The following PADI4 variants were observed in gnomAD, a reference collection of about 807,000 sequenced individuals.
The protein encoded by PADI4 is protein-arginine deiminase type-4.
In PADI4, 62 loss-of-function variants were observed where a neutral mutation model predicts 75.0. The ratio of observed to expected loss-of-function variants is 0.83; its 90% CI spans 0.67 to 1.02. The LOEUF (loss-of-function observed/expected upper bound fraction) is 1.02, where lower values mean the gene tolerates loss of function less well. Among genes scored for constraint, PADI4 ranks in the 50% least tolerant of loss-of-function variants. The pLI is 0.00. For synonymous variants in PADI4, 361 were observed against 348.1 expected (o/e 1.04, Z -0.41); for missense variants, 845 against 850.5 (o/e 0.99, Z 0.08).
intron 8 of PADI4, among the ~76,000 whole-genome samples, chr1:17,344,495 A>G (rs1216687733): frequency 6.6e-6 from 1 of 152,242 alleles, no homozygotes; most frequent in Non-Finnish European, 1.5e-5. Context: ...GGCATGTCAG[A>G]GGTCTTCATG....
chr1:17,326,904 CTTT>C (rs140721491), intron 1 of PADI4, among the ~76,000 whole-genome samples: 3 of 132,142 alleles, frequency 2.3e-5, no homozygotes, highest in East Asian at 2.2e-4. Context: ...GCCTTATATG[CTTT>C]TTTTTTTTTT....
At chr1:17,325,258 T>C (rs2074099307) in intron 1 of PADI4, among the ~76,000 whole-genome samples, 1 of 152,228 alleles carries the variant, frequency 6.6e-6, no homozygotes, top group Non-Finnish European at 1.5e-5. Flanking sequence ...TCTTCTCTAA[T>C]GGCTTTCAAT....
chr1:17,316,711 T>A (rs12405467), intron 1 of PADI4, among the ~76,000 whole-genome samples: 8,837 of 137,554 alleles, frequency 0.064, 383 homozygotes, highest in African/African-American at 0.11. Flanking sequence ...ATAAATAAAT[T>A]AATTAATTAA....
intron 1 of PADI4, among the ~76,000 whole-genome samples, chr1:17,320,128 C>G (rs1557542845): frequency 6.6e-6 from 1 of 152,226 alleles, no homozygotes; most frequent in Non-Finnish European, 1.5e-5. Context: ...TCTGGAAGCT[C>G]CAGGGGCAAA....
At chr1:17,350,594 G>T (rs1370645408) in intron 10 of PADI4, among the ~76,000 whole-genome samples, 1 of 130,852 alleles carries the variant, frequency 7.6e-6, no homozygotes, top group African/African-American at 2.5e-5. Context: ...CTCTTGGGGG[G>T]CCACTTCTGC....
intron 1 of PADI4, 56 bp downstream of exon 1, chr1:17,308,370 C>T (rs2073710367): frequency 2.2e-6 from 3 of 1,339,276 alleles, no homozygotes; most frequent in Admixed American, 1.7e-5. Flanking sequence ...CTGGATGACC[C>T]AGTTCTACTG....
At chr1:17,317,411 G>A (rs1379672668) in intron 1 of PADI4, among the ~76,000 whole-genome samples, 1 of 151,978 alleles carries the variant, frequency 6.6e-6, no homozygotes, top group Non-Finnish European at 1.5e-5. Flanking sequence ...TGGGATTACA[G>A]ACACCCACCA....
chr1:17,358,769 G>C, intron 13 of PADI4, 69 bp from the exon 14 acceptor site: 2 of 976,718 alleles, frequency 2.0e-6, no homozygotes, highest in Non-Finnish European at 3.2e-6. Context: ...TCCCCCCCCG[G>C]CACTGGCTGG....
Position 17,359,305 on chromosome 1 carries a change from TGCTGAAGC to T in PADI4, c.1657_1664del (p.Leu553GlyfsTer8). The T allele has an allele frequency of 6.4e-7, 1 of 1,555,206 alleles. No individual in the cohort carries two copies. Among genetic ancestry groups the T allele is most frequent in the Non-Finnish European group, 8.7e-7 (1 of 1,144,698 alleles). On this transcript the variant is annotated frameshift_variant, in exon 15 of 16. Coordinates refer to ENST00000375448, the MANE Select transcript of PADI4 (RefSeq NM_012387.3). LOFTEE classifies it high-confidence loss of function. ...AGATGCATCGACTGGAACCGCGAGC[TGCTGAAGC>T]GGGAGCTGGGCCTGGCCGAGAGTGA... is the stretch of plus-strand genomic sequence containing the variant.
Position 17,308,298 on chromosome 1 carries a change from C to T in PADI4, c.76C>T (p.Gln26Ter). ...HAVCVLGTLT[Q>*]LDICSSAPED... ...CGTGTGTGTGCTGGGCACCTTGACT[C>T]AGCTTGACATCTGCAGGTAAGAGGG... Residue 26 changes from glutamine to a stop codon, truncating the protein, a stop_gained, in exon 1 of 16, where the codon CAG becomes TAG. Coordinates refer to ENST00000375448, the MANE Select transcript of PADI4 (RefSeq NM_012387.3). LOFTEE classifies it high-confidence loss of function. 6.2e-7 allele frequency: 1 copy of T among 1,613,966 alleles called. No individual in the cohort carries two copies. The highest frequency in any genetic ancestry group is 8.5e-7 in the Non-Finnish European group (1 of 1,179,868).
chr1:17,330,826 C>A (rs1635598), intron 1 of PADI4, 143 bp from the exon 2 acceptor site: 2 of 576,020 alleles, frequency 3.5e-6, no homozygotes, highest in East Asian at 6.7e-5. Context: ...CACAGATACA[C>A]CCAGAAAAAA....
intron 10 of PADI4, among the ~76,000 whole-genome samples, chr1:17,349,702 CA>C (rs199868632): frequency 0.011 from 837 of 79,080 alleles, 96 homozygotes; most frequent in African/African-American, 0.016. Context: ...AAGACTGTAT[CA>C]AAAAAAAAAA....
At position 17,351,072 on chromosome 1, in the gene PADI4, C is replaced by G. The variant is rs942768537; in HGVS notation, c.1155+3024C>G. Among the ~76,000 whole-genome samples, 5 of 127,598 alleles carry G rather than the reference C, an allele frequency of 3.9e-5. 1 individual carries two copies. The highest frequency in any genetic ancestry group is 2.6e-4 in the Admixed American group (3 of 11,360). 83.7% of individuals were successfully genotyped at this position (127,598 alleles called of 152,430 possible). A position where few individuals can be genotyped will look rare whatever the true frequency, so the allele number is the denominator to read the frequency against. ...AATTAACTAGGCATGGTAACACATG[C>G]CTGTAGTCCCAACTACTAGAGAGGC... On this transcript the variant is annotated intron_variant, in intron 10 of 15. Coordinates refer to ENST00000375448, the MANE Select transcript of PADI4 (RefSeq NM_012387.3).
Position 17,308,289 on chromosome 1 carries a change from A to C in PADI4, c.67A>C (p.Thr23Pro), listed in dbSNP as rs567560287. ...CACCCATGCCGTGTGTGTGCTGGGC[A>C]CCTTGACTCAGCTTGACATCTGCAG... is the stretch of plus-strand genomic sequence containing the variant. Reference protein sequence around the residue: ...QPTHAVCVLGTLTQLDICSSA... With the variant: ...QPTHAVCVLGPLTQLDICSSA... The change falls in exon 1 of 16, where the codon ACC (threonine) becomes CCC (proline). Residue 23 changes from threonine to proline, a missense_variant. Physicochemically the swap from Thr to Pro is conservative, Grantham distance 38 (BLOSUM62 -1). Coordinates refer to ENST00000375448, the MANE Select transcript of PADI4 (RefSeq NM_012387.3). 3.3e-5 allele frequency: 54 copies of C among 1,614,002 alleles called. 1 individual carries two copies. The South Asian group carries it at 4.1e-4, about 12-fold the overall frequency.
intron 1 of PADI4, among the ~76,000 whole-genome samples, chr1:17,325,109 G>A (rs1011960470): frequency 3.3e-5 from 5 of 152,162 alleles, no homozygotes; most frequent in African/African-American, 1.2e-4. Context: ...GATTTCTCGT[G>A]TAGATTTAAA....
intron 10 of PADI4, among the ~76,000 whole-genome samples, chr1:17,352,950 G>A (rs566435674): frequency 1.8e-4 from 27 of 152,300 alleles, no homozygotes; most frequent in African/African-American, 3.9e-4. Flanking sequence ...AGGATCCCCC[G>A]GTGTCCTGAA....
At chr1:17,354,856 C>T (rs2100242173) in intron 11 of PADI4, among the ~76,000 whole-genome samples, 169 bp downstream of exon 11, 1 of 152,258 alleles carries the variant, frequency 6.6e-6, no homozygotes, top group South Asian at 2.1e-4. Context: ...GGCTTTGGAG[C>T]CCATAGACCC....
At chr1:17,352,206 T>TGGGAAGAGG (rs2074672082) in intron 10 of PADI4, among the ~76,000 whole-genome samples, 3 of 98,048 alleles carry the variant, frequency 3.1e-5, no homozygotes, top group African/African-American at 1.3e-4. Flanking sequence ...AGATGGGAGG[T>TGGGAAGAGG]GGTAAGAGGG....
chr1:17,335,503 T>C (rs538012936), intron 3 of PADI4, among the ~76,000 whole-genome samples: 9 of 152,326 alleles, frequency 5.9e-5, no homozygotes, highest in South Asian at 4.1e-4. Context: ...GAAGGTCATC[T>C]GGGTCAGTCT....
Sources: allele counts gnomAD v4.1 joint callset (sites outside exome capture counted in the v4.1 genomes callset), GRCh38; gene constraint gnomAD v4.1.1; transcripts MANE v1.5; gene names NCBI Gene and HGNC (gene_info 2026-07-23, HGNC 2026-07-21).